TBC1D12: variants seen among roughly 807,000 people sequenced by gnomAD.
The protein encoded by TBC1D12 is TBC1 domain family member 12, also known as TBC1 domain family, member 12.
Under a neutral mutation model 86.7 loss-of-function variants are expected in TBC1D12, and 56 were observed. That is an observed-to-expected ratio of 0.65 (90% CI 0.52 to 0.81). The LOEUF is 0.81. Ranked by LOEUF, TBC1D12 falls within the 30% of genes least tolerant of loss-of-function variation. TBC1D12 has a pLI of 0.00. For synonymous variants in TBC1D12, 421 were observed against 411.7 expected (o/e 1.02, Z -0.27); for missense variants, 1,023 against 1,038.8 (o/e 0.98, Z 0.21).
In TBC1D12 at chr10:94,535,631, T is replaced by C. The variant is rs1051414378; in HGVS notation, c.*2535T>C. The C allele has an allele frequency of 1.3e-5, 2 of 152,156 alleles. No homozygotes were observed. The highest frequency in any genetic ancestry group is 4.8e-5 in the African/African-American group (2 of 41,446). 9.4% of individuals were successfully genotyped at this position (152,156 alleles called of 1,614,324 possible). On this transcript the variant is annotated 3_prime_UTR_variant, in exon 13 of 13. Coordinates refer to ENST00000225235, the MANE Select transcript of TBC1D12 (RefSeq NM_015188.2). ...GAGTGGCCATGGTCTTAGCAGGTTT[T>C]AGAATGACCTTTTAACTCCAGTAAC...
intron 1 of TBC1D12, among the ~76,000 whole-genome samples, chr10:94,422,185 G>GTTTTTT (rs57798611): frequency 8.4e-5 from 9 of 106,802 alleles, no homozygotes; most frequent in South Asian, 3.7e-4. Flanking sequence ...GGTTCATGTA[G>GTTTTTT]TTTTTTTTTT....
At chr10:94,467,039 C>T (rs2055835069) in intron 2 of TBC1D12, among the ~76,000 whole-genome samples, 3 of 151,822 alleles carry the variant, frequency 2.0e-5, no homozygotes, top group Admixed American at 2.0e-4. Flanking sequence ...TTATGGTTTT[C>T]TGGGAGAAAT....
chr10:94,501,056 AAATGAATGAATGAATAAATG>A (rs1404768054), intron 6 of TBC1D12, among the ~76,000 whole-genome samples: 2 of 149,264 alleles, frequency 1.3e-5, no homozygotes, highest in African/African-American at 2.5e-5. Flanking sequence ...ACTCTATCTC[AAATGAATGAATGAATAAATG>A]AATGAATGAA....
chr10:94,529,184 A>G (rs1263982666), intron 11 of TBC1D12, among the ~76,000 whole-genome samples: 2 of 152,010 alleles, frequency 1.3e-5, no homozygotes, highest in Non-Finnish European at 1.5e-5. Context: ...AATTTTTGCT[A>G]TTTTATAGAG....
chr10:94,453,988 A>C (rs1284048909), intron 2 of TBC1D12, among the ~76,000 whole-genome samples: 3 of 152,126 alleles, frequency 2.0e-5, no homozygotes, highest in African/African-American at 7.2e-5. Flanking sequence ...CTGTTCTTTC[A>C]CCAATGCCAC....
intron 2 of TBC1D12, among the ~76,000 whole-genome samples, chr10:94,472,926 G>C: frequency 6.6e-6 from 1 of 152,132 alleles, no homozygotes; most frequent in South Asian, 2.1e-4. Flanking sequence ...TATAGTAGAT[G>C]GAAGGGAAGA....
chr10:94,453,818 A>AT lies in TBC1D12; in HGVS notation c.1095+11808dup, dbSNP rs910841900. On this transcript the variant is annotated intron_variant, in intron 2 of 12. Coordinates refer to ENST00000225235, the MANE Select transcript of TBC1D12 (RefSeq NM_015188.2). ...GGATGTAAGGTCTGTATGTAGATTGATTTTTTTTTCATGTCGATGTCCAGT... is the reference window on the plus strand; with the variant it reads ...GGATGTAAGGTCTGTATGTAGATTGATTTTTTTTTTCATGTCGATGTCCAGT... Among the ~76,000 whole-genome samples, 293 of 151,186 alleles carry AT rather than the reference A, an allele frequency of 1.9e-3. No homozygotes were observed. The Middle Eastern group carries it at 0.041, about 21-fold the overall frequency.
At chr10:94,405,099 TTTC>T (rs780701773) in intron 1 of TBC1D12, among the ~76,000 whole-genome samples, 125 of 151,398 alleles carry the variant, frequency 8.3e-4, no homozygotes, top group African/African-American at 2.7e-3. Context: ...GACACGCCTT[TTTC>T]TTCTTCTTCT....
chr10:94,414,246 C>T (rs1054706848), intron 1 of TBC1D12, among the ~76,000 whole-genome samples: 2 of 151,830 alleles, frequency 1.3e-5, no homozygotes, highest in Admixed American at 1.3e-4. Flanking sequence ...ATTGTTTCCA[C>T]GTTATTCTTG....
intron 1 of TBC1D12, among the ~76,000 whole-genome samples, chr10:94,423,703 G>A (rs1389445364): frequency 6.6e-6 from 1 of 152,008 alleles, no homozygotes; most frequent in Non-Finnish European, 1.5e-5. Flanking sequence ...AAAAACTTGG[G>A]GGGTCTGCTT....
At chr10:94,482,189 C>T (rs139534340) in intron 3 of TBC1D12, among the ~76,000 whole-genome samples, 164 of 152,220 alleles carry the variant, frequency 1.1e-3, no homozygotes, top group East Asian at 2.5e-3. Context: ...CCCCAGTGTC[C>T]GTTGTTCCTT....
At chr10:94,482,444 T>A (rs2056090769) in intron 3 of TBC1D12, among the ~76,000 whole-genome samples, 1 of 152,066 alleles carries the variant, frequency 6.6e-6, no homozygotes. Flanking sequence ...TACTAGGTCT[T>A]ATTCATTCTG....
At chr10:94,523,387 A>C (rs1294047150) in intron 11 of TBC1D12, among the ~76,000 whole-genome samples, 1 of 151,930 alleles carries the variant, frequency 6.6e-6, no homozygotes, top group African/African-American at 2.4e-5. Flanking sequence ...GTTGCTATTT[A>C]TTTTATTATT....
At position 94,517,735 on chromosome 10, in the gene TBC1D12, G is replaced by A. The variant is rs562083955; in HGVS notation, c.1762-4220G>A. On this transcript the variant is annotated intron_variant, in intron 9 of 12. Coordinates refer to ENST00000225235, the MANE Select transcript of TBC1D12 (RefSeq NM_015188.2). ...TTCATGTCATGATTTGACAAAATAC[G>A]TTTTTAACTATGTTAATGAATAACA... Among the ~76,000 whole-genome samples, 64 of 152,224 alleles carry A rather than the reference G, an allele frequency of 4.2e-4. 1 individual carries two copies. In the South Asian group the frequency reaches 0.011, roughly 25 times the overall value.
chr10:94,514,324 G>A (rs1480294947), intron 9 of TBC1D12, among the ~76,000 whole-genome samples: 1 of 152,066 alleles, frequency 6.6e-6, no homozygotes, highest in Non-Finnish European at 1.5e-5. Context: ...GTAGTAAGCC[G>A]AAATGGTGCC....
intron 2 of TBC1D12, among the ~76,000 whole-genome samples, chr10:94,443,968 A>G (rs983236737): frequency 2.0e-5 from 3 of 152,136 alleles, no homozygotes; most frequent in East Asian, 3.9e-4. Context: ...TCAGGAGTTC[A>G]AGAGCAGCTT....
At chr10:94,465,843 T>C (rs550625257) in intron 2 of TBC1D12, among the ~76,000 whole-genome samples, 1 of 151,294 alleles carries the variant, frequency 6.6e-6, no homozygotes, top group East Asian at 1.9e-4. Flanking sequence ...CGCATACATA[T>C]ATACGTACAT....
chr10:94,531,139 C>T, intron 11 of TBC1D12, 63 bp from the exon 12 acceptor site: 3 of 1,534,926 alleles, frequency 2.0e-6, no homozygotes, highest in Non-Finnish European at 2.7e-6. Context: ...TATAGAGATG[C>T]TTACTGAGTA....
chr10:94,404,892 A>G (rs1372206002), intron 1 of TBC1D12, among the ~76,000 whole-genome samples: 1 of 152,032 alleles, frequency 6.6e-6, no homozygotes, highest in Non-Finnish European at 1.5e-5. Flanking sequence ...ACTAAAATAT[A>G]CAAAAATTAG....
Sources: gnomAD v4.1 joint callset for allele counts (sites outside exome capture counted in the v4.1 genomes callset) on GRCh38, gnomAD v4.1.1 for gene constraint, MANE v1.5 for transcripts, NCBI Gene and HGNC (gene_info 2026-07-23, HGNC 2026-07-21) for gene names.